GRK4: variants seen among roughly 807,000 people sequenced by gnomAD.
GRK4 encodes G protein-coupled receptor kinase 4.
GRK4 carries 73 observed loss-of-function variants against 77.9 expected under a neutral mutation model. That is an observed-to-expected ratio of 0.94 (90% CI 0.78 to 1.14). GRK4 has a LOEUF of 1.14. GRK4 is among the 50% of genes most tolerant of loss of function. The probability of loss-of-function intolerance (pLI) is 0.00; values close to 1 mark genes in which losing one functional copy is unlikely to be tolerated. For missense variants in GRK4, 729 were observed against 700.2 expected (o/e 1.04, Z -0.46); for synonymous variants, 257 against 254.4 (o/e 1.01, Z -0.10).
chr4:3,037,179 G>A (rs1740967777), intron 13 of GRK4, among the ~76,000 whole-genome samples, 195 bp from the exon 14 acceptor site: 1 of 151,880 alleles, frequency 6.6e-6, no homozygotes, highest in Non-Finnish European at 1.5e-5. Flanking sequence ...ACTAAAAGCT[G>A]GCGAACCACC....
chr4:2,969,318 G>A (rs1244913848), intron 1 of GRK4: 1 of 151,842 alleles, frequency 6.6e-6, no homozygotes. Flanking sequence ...GGGATTCCAG[G>A]TGTGAGCCAC....
At chr4:3,032,527 G>C (rs1739458947) in intron 12 of GRK4, among the ~76,000 whole-genome samples, 2 of 152,186 alleles carry the variant, frequency 1.3e-5, no homozygotes, top group South Asian at 4.1e-4. Context: ...TAAGTGGATA[G>C]AAACAAAGGC....
chr4:2,992,821 AAAG>A (rs1726667069), intron 4 of GRK4, among the ~76,000 whole-genome samples: 1 of 152,020 alleles, frequency 6.6e-6, no homozygotes, highest in South Asian at 2.1e-4. Flanking sequence ...TTGCTACAAA[AAAG>A]AAAAAAAAAA....
At chr4:3,031,196 G>A (rs114676493) in intron 12 of GRK4, among the ~76,000 whole-genome samples, 505 of 152,310 alleles carry the variant, frequency 3.3e-3, no homozygotes, top group African/African-American at 0.011. Flanking sequence ...TCCAGTGACC[G>A]GAGAGGAGGC....
intron 1 of GRK4, among the ~76,000 whole-genome samples, chr4:2,964,608 T>A (rs531407669): frequency 6.6e-6 from 1 of 152,290 alleles, no homozygotes; most frequent in South Asian, 2.1e-4. Context: ...AGCTGCTTGG[T>A]TTTGAGGTTT....
intron 2 of GRK4, chr4:2,987,072 C>G (rs1158662580): frequency 2.0e-6 from 1 of 499,518 alleles, no homozygotes; most frequent in Admixed American, 2.2e-5. Flanking sequence ...TTTTCAGCAC[C>G]CCAAAAAGAA....
intron 12 of GRK4, among the ~76,000 whole-genome samples, chr4:3,030,582 G>T (rs534073073): frequency 6.6e-6 from 1 of 152,290 alleles, no homozygotes; most frequent in South Asian, 2.1e-4. Flanking sequence ...AGACGTGTGG[G>T]CTGTGGGGAG....
At chr4:3,021,319 T>C (rs1736010315) in intron 9 of GRK4, among the ~76,000 whole-genome samples, 1 of 152,192 alleles carries the variant, frequency 6.6e-6, no homozygotes, top group African/African-American at 2.4e-5. Context: ...CGCCCAGAGT[T>C]GGCCCACACA....
intron 4 of GRK4, among the ~76,000 whole-genome samples, chr4:3,003,105 C>T (rs947719760): frequency 1.3e-5 from 2 of 152,194 alleles, no homozygotes; most frequent in African/African-American, 2.4e-5. Flanking sequence ...TGGCAACCAC[C>T]ATTCTACTTT....
At chr4:3,030,348 C>T (rs1738799358) in intron 12 of GRK4, among the ~76,000 whole-genome samples, 1 of 152,228 alleles carries the variant, frequency 6.6e-6, no homozygotes, top group Non-Finnish European at 1.5e-5. Flanking sequence ...TACCACCCCT[C>T]ACTGCCCAGA....
rs1024323 is a variant in GRK4 at position 3,004,316 on chromosome 4, C to G, written c.425C>G (p.Ala142Gly). ...GLKEENPSKK[A>G]FEECTRVAHN... ...AAGGAGGAGAACCCTTCCAAAAAAG[C>G]CTTTGAGGAATGTACTAGGTAAGTG... Residue 142 changes from alanine to glycine, a missense_variant, in exon 5 of 16, where the codon GCC (alanine) becomes GGC (glycine). Ala to Gly is a moderately conservative substitution (Grantham distance 60). Transcript: ENST00000398052. 1.4e-5 allele frequency: 23 copies of G among 1,609,572 alleles called. No homozygotes were observed. Among genetic ancestry groups the G allele is most frequent in the Non-Finnish European group, 2.0e-5 (23 of 1,176,134 alleles).
intron 2 of GRK4, among the ~76,000 whole-genome samples, chr4:2,986,186 C>T (rs918542213): frequency 1.3e-5 from 2 of 151,860 alleles, no homozygotes; most frequent in Admixed American, 6.6e-5. Flanking sequence ...GATGCCTTTG[C>T]TAATACTGGT....
At chr4:3,006,774 A>G (rs981847157) in intron 5 of GRK4, among the ~76,000 whole-genome samples, 1 of 152,118 alleles carries the variant, frequency 6.6e-6, no homozygotes, top group South Asian at 2.1e-4. Flanking sequence ...CCAAAAAAAA[A>G]GAAAAGAGAT....
intron 5 of GRK4, 101 bp from the exon 6 acceptor site, chr4:3,007,635 A>G: frequency 1.6e-6 from 1 of 622,926 alleles, no homozygotes; most frequent in Non-Finnish European, 2.7e-6. Context: ...GTGTGTAATG[A>G]TTGGCTTTCC....
intron 2 of GRK4, among the ~76,000 whole-genome samples, chr4:2,988,318 A>T (rs552942404): frequency 1.3e-5 from 2 of 152,168 alleles, no homozygotes; most frequent in Admixed American, 6.6e-5. Flanking sequence ...ATGAATAATG[A>T]TGTTGAGCAT....
At chr4:2,981,297 C>G (rs1722800411) in intron 1 of GRK4, among the ~76,000 whole-genome samples, 1 of 152,244 alleles carries the variant, frequency 6.6e-6, no homozygotes, top group South Asian at 2.1e-4. Flanking sequence ...TCAGTCCCAC[C>G]ATTCAGTGGG....
At chr4:2,977,811 G>A (rs1297159148) in intron 1 of GRK4, among the ~76,000 whole-genome samples, 1 of 152,210 alleles carries the variant, frequency 6.6e-6, no homozygotes, top group Non-Finnish European at 1.5e-5. Context: ...ACATTCTGTT[G>A]TCCAGATCAC....
At chr4:3,027,736 A>T (rs904442763) in intron 10 of GRK4, among the ~76,000 whole-genome samples, 176 bp from the exon 11 acceptor site, 1 of 152,216 alleles carries the variant, frequency 6.6e-6, no homozygotes, top group East Asian at 1.9e-4. Flanking sequence ...AATGCATTGT[A>T]TGGAATTTTA....
In GRK4 at chr4:2,963,659, G is replaced by T. The variant is rs1188918548; in HGVS notation, c.-412G>T. 1 of 374,314 alleles carries T rather than the reference G, an allele frequency of 2.7e-6. No individual in the cohort carries two copies. The highest frequency in any genetic ancestry group is 2.1e-5 in the African/African-American group (1 of 46,914). 23.2% of individuals were successfully genotyped at this position (374,314 alleles called of 1,614,324 possible). A position where few individuals can be genotyped will look rare whatever the true frequency, so the allele number is the denominator to read the frequency against. On this transcript the variant is annotated 5_prime_UTR_variant, in exon 1 of 16. Transcript: ENST00000398052. Reference sequence around the variant, plus strand: ...CGCCCGGGAGCGGGTCGCCGGCCGCGGCGGGCGCCCCTGCCAGTGAGCCCC... The same window carrying T: ...CGCCCGGGAGCGGGTCGCCGGCCGCTGCGGGCGCCCCTGCCAGTGAGCCCC...
Sources: allele counts gnomAD v4.1 joint callset (sites outside exome capture counted in the v4.1 genomes callset), GRCh38; gene constraint gnomAD v4.1.1; transcripts MANE v1.5; gene names NCBI Gene and HGNC (gene_info 2026-07-23, HGNC 2026-07-21).